Variants in RAP1A observed in about 807,000 individuals in gnomAD.
RAP1A encodes the protein RAP1A, member of RAS oncogene family, also known as ras-related protein Rap-1A.
A neutral mutation model predicts 26.4 loss-of-function variants in RAP1A; 6 were observed. The observed-to-expected ratio is 0.23, with a 90% CI of 0.12 to 0.45. The LOEUF (loss-of-function observed/expected upper bound fraction) is 0.45, where lower values mean the gene tolerates loss of function less well. Among genes scored for constraint, RAP1A ranks in the 20% least tolerant of loss-of-function variants. The pLI, the probability that RAP1A is intolerant of heterozygous loss-of-function variation, is 0.99. For missense variants in RAP1A, 121 were observed against 217.2 expected (o/e 0.56, Z 2.78); for synonymous variants, 73 against 79.4 (o/e 0.92, Z 0.43).
chr1:111,596,197 A>G (rs1658561135), intron 1 of RAP1A, among the ~76,000 whole-genome samples: 1 of 152,182 alleles, frequency 6.6e-6, no homozygotes, highest in Non-Finnish European at 1.5e-5. Flanking sequence ...ATGGGTAGGC[A>G]GGATCATTTA....
At chr1:111,705,913 C>T (rs1176615028) in intron 6 of RAP1A, among the ~76,000 whole-genome samples, 1 of 152,222 alleles carries the variant, frequency 6.6e-6, no homozygotes, top group Non-Finnish European at 1.5e-5. Context: ...GTTCATCAGA[C>T]TCCAGGCTCC....
Position 111,654,858 on chromosome 1 carries a change from G to A in RAP1A, c.-28+34924G>A, listed in dbSNP as rs533140207. On this transcript the variant is annotated intron_variant, in intron 1 of 7. Coordinates refer to ENST00000369709, the MANE Select transcript of RAP1A (RefSeq NM_002884.4). Reference sequence around the variant, plus strand: ...TTACTTATTGGACATAAAATTATTAGCCTTCTAAACTTTGATTTAAATGTG... The same window carrying A: ...TTACTTATTGGACATAAAATTATTAACCTTCTAAACTTTGATTTAAATGTG... Among the ~76,000 whole-genome samples, 93 of 150,678 alleles carry A rather than the reference G, an allele frequency of 6.2e-4. No homozygotes were observed. In the South Asian group the frequency reaches 0.014, roughly 22 times the overall value.
At chr1:111,685,694 A>G (rs576533156) in intron 1 of RAP1A, among the ~76,000 whole-genome samples, 3 of 152,368 alleles carry the variant, frequency 2.0e-5, no homozygotes, top group South Asian at 4.1e-4. Context: ...AATTAGTTCA[A>G]CCTTTGTGGA....
chr1:111,596,640 T>G (rs1658568862), intron 1 of RAP1A, among the ~76,000 whole-genome samples: 1 of 152,234 alleles, frequency 6.6e-6, no homozygotes, highest in East Asian at 1.9e-4. Flanking sequence ...TTATTTCTCA[T>G]AGTTCTGCAG....
chr1:111,637,915 A>G (rs1659771889), intron 1 of RAP1A, among the ~76,000 whole-genome samples: 2 of 152,126 alleles, frequency 1.3e-5, no homozygotes, highest in East Asian at 3.8e-4. Context: ...ATAAATTCCA[A>G]AAAGTAGAAT....
intron 1 of RAP1A, among the ~76,000 whole-genome samples, chr1:111,597,263 C>T (rs1023422800): frequency 3.9e-5 from 6 of 152,144 alleles, no homozygotes; most frequent in African/African-American, 7.2e-5. Flanking sequence ...TCCTTGATTC[C>T]TCAATCAAAC....
chr1:111,653,971 G>C (rs967429989), intron 1 of RAP1A, among the ~76,000 whole-genome samples: 1 of 152,186 alleles, frequency 6.6e-6, no homozygotes, highest in East Asian at 1.9e-4. Context: ...GTGGCAAGAT[G>C]TAAGTGGAAG....
At chr1:111,595,915 C>A (rs1237084774) in intron 1 of RAP1A, among the ~76,000 whole-genome samples, 1 of 152,146 alleles carries the variant, frequency 6.6e-6, no homozygotes, top group African/African-American at 2.4e-5. Context: ...ATTTAAGAAT[C>A]TCAACAATTC....
At chr1:111,570,429 T>A (rs1251771950) in intron 1 of RAP1A, among the ~76,000 whole-genome samples, 1 of 152,188 alleles carries the variant, frequency 6.6e-6, no homozygotes. Flanking sequence ...CTATTATTTT[T>A]GTGTCTCCTC....
intron 1 of RAP1A, chr1:111,648,793 G>A (rs545628205): frequency 3.1e-5 from 20 of 652,572 alleles, no homozygotes; most frequent in South Asian, 7.3e-5. Context: ...AGCTCCTGTC[G>A]ATTCTTTCAA....
chr1:111,576,287 C>T (rs916366458), intron 1 of RAP1A, among the ~76,000 whole-genome samples: 3 of 152,142 alleles, frequency 2.0e-5, no homozygotes, highest in African/African-American at 7.2e-5. Flanking sequence ...GTTATAAACC[C>T]TTGGATACAC....
chr1:111,626,604 T>G (rs999652412), intron 1 of RAP1A, among the ~76,000 whole-genome samples: 1 of 152,244 alleles, frequency 6.6e-6, no homozygotes. Flanking sequence ...TGTGCATTTT[T>G]AGTGACTGTT....
intron 1 of RAP1A, among the ~76,000 whole-genome samples, chr1:111,569,605 C>T (rs1396263646): frequency 6.6e-6 from 1 of 151,756 alleles, no homozygotes; most frequent in East Asian, 1.9e-4. Flanking sequence ...CTGTCTTCTA[C>T]TTGGGTGACT....
chr1:111,564,141 C>T (rs1379419499), intron 1 of RAP1A, among the ~76,000 whole-genome samples: 1 of 152,240 alleles, frequency 6.6e-6, no homozygotes, highest in East Asian at 1.9e-4. Flanking sequence ...AAGTTTTACA[C>T]ATAAATCAAT....
At chr1:111,650,914 G>A (rs994358708) in intron 1 of RAP1A, among the ~76,000 whole-genome samples, 21 of 152,056 alleles carry the variant, frequency 1.4e-4, no homozygotes, top group African/African-American at 5.1e-4. Context: ...CCATTCTCCT[G>A]CCTCAGCCTC....
intron 2 of RAP1A, among the ~76,000 whole-genome samples, chr1:111,692,951 A>G (rs1661713606): frequency 2.6e-5 from 4 of 152,170 alleles, no homozygotes; most frequent in Admixed American, 2.6e-4. Context: ...TTTTGAATTT[A>G]GTCCTATGTC....
chr1:111,665,035 A>G (rs915445067), intron 1 of RAP1A, among the ~76,000 whole-genome samples: 10 of 152,194 alleles, frequency 6.6e-5, no homozygotes, highest in Admixed American at 1.3e-4. Context: ...TAAGCCTTGT[A>G]TGTTTCTTTA....
chr1:111,633,265 C>G (rs1008266458), intron 1 of RAP1A, among the ~76,000 whole-genome samples: 16 of 152,128 alleles, frequency 1.1e-4, no homozygotes, highest in African/African-American at 3.9e-4. Context: ...ATTGTTGCAT[C>G]CTGCTGTTCT....
intron 1 of RAP1A, among the ~76,000 whole-genome samples, chr1:111,669,886 C>A (rs1253439319): frequency 6.6e-6 from 1 of 152,088 alleles, no homozygotes; most frequent in Non-Finnish European, 1.5e-5. Context: ...TCAAAAATAA[C>A]CAGAAGGACA....
Sources: allele counts gnomAD v4.1 joint callset (sites outside exome capture counted in the v4.1 genomes callset), GRCh38; gene constraint gnomAD v4.1.1; transcripts MANE v1.5; gene names NCBI Gene and HGNC (gene_info 2026-07-23, HGNC 2026-07-21).